PAX2: variants seen among roughly 807,000 people sequenced by gnomAD.
PAX2 encodes paired box protein Pax-2.
A neutral mutation model predicts 41.7 loss-of-function variants in PAX2; 9 were observed. The ratio of observed to expected loss-of-function variants is 0.22; its 90% CI spans 0.13 to 0.38. The LOEUF is 0.38. Ranked by LOEUF, PAX2 falls within the 10% of genes least tolerant of loss-of-function variation. The probability of loss-of-function intolerance (pLI) is 1.00; values close to 1 mark genes in which losing one functional copy is unlikely to be tolerated. For synonymous variants in PAX2, 221 were observed against 212.7 expected, an observed-to-expected ratio of 1.04 and a Z score of -0.34; for missense variants, 418 against 531.6, an observed-to-expected ratio of 0.79 and a Z score of 2.10.
At chr10:100,815,961 G>A (rs951596627) in intron 7 of PAX2, among the ~76,000 whole-genome samples, 18 of 152,240 alleles carry the variant, frequency 1.2e-4, no homozygotes, top group African/African-American at 4.3e-4. Context: ...GGTTTGGGGT[G>A]TCTTAGCAAA....
intron 5 of PAX2, among the ~76,000 whole-genome samples, chr10:100,793,517 C>T (rs970516922): frequency 3.9e-5 from 6 of 152,230 alleles, no homozygotes; most frequent in South Asian, 2.1e-4. Context: ...TGGGGTGCCA[C>T]GCTCTTCTTC....
chr10:100,754,432 G>A (rs1845558856), intron 3 of PAX2, among the ~76,000 whole-genome samples: 3 of 152,100 alleles, frequency 2.0e-5, no homozygotes, highest in African/African-American at 7.2e-5. Flanking sequence ...TAGATCTTTG[G>A]AGTGGACCCT....
chr10:100,746,832 G>C (rs1339403200), intron 1 of PAX2, among the ~76,000 whole-genome samples: 1 of 152,234 alleles, frequency 6.6e-6, no homozygotes, highest in East Asian at 1.9e-4. Flanking sequence ...TCAGTGTCAG[G>C]ACAATTGGGC....
rs532286288 is a variant in PAX2, at chr10:100,829,484, G to A, written c.*1865G>A. 2.3e-4 allele frequency: 48 copies of A among 207,864 alleles called. No individual in the cohort carries two copies. The highest frequency in any genetic ancestry group is 1.0e-3 in the African/African-American group (44 of 44,018). 12.9% of individuals were successfully genotyped at this position (207,864 alleles called of 1,614,324 possible). ...CCGCCCCGTAGTTGCTCTTTCGGTA[G>A]TGGCGATGCGCCCTGCATGTCTCCT... On this transcript the variant is annotated 3_prime_UTR_variant, in exon 10 of 10. Coordinates refer to ENST00000355243, the MANE Select transcript of PAX2 (RefSeq NM_000278.5).
At chr10:100,809,919 G>A (rs538286796) in intron 7 of PAX2, among the ~76,000 whole-genome samples, 2 of 152,314 alleles carry the variant, frequency 1.3e-5, no homozygotes, top group African/African-American at 4.8e-5. Context: ...GGAAGGGGAG[G>A]TGGAGTCCAG....
intron 4 of PAX2, among the ~76,000 whole-genome samples, chr10:100,780,309 A>G (rs1199852310): frequency 6.6e-6 from 1 of 152,178 alleles, no homozygotes; most frequent in Non-Finnish European, 1.5e-5. Context: ...CTCTGTCCCC[A>G]ACGCACACAG....
rs1848672214 is a variant in PAX2, at chr10:100,828,676, G to A, written c.*1057G>A. 1 of 233,458 alleles carries A rather than the reference G, an allele frequency of 4.3e-6. No individual in the cohort carries two copies. Among genetic ancestry groups the A allele is most frequent in the East Asian group, 6.0e-5 (1 of 16,580 alleles). 14.5% of individuals were successfully genotyped at this position (233,458 alleles called of 1,614,324 possible). A position where few individuals can be genotyped will look rare whatever the true frequency, so the allele number is the denominator to read the frequency against. The stretch of plus-strand genomic sequence containing the variant: ...TCTGCCGGTGGTAAGAACCGGTTCT[G>A]AGCTGGCGTCTGAGCTGCTGCGGGG... On this transcript the variant is annotated 3_prime_UTR_variant, in exon 10 of 10. Transcript: ENST00000355243. This position sits in a 1 kb window ranked among gnomAD's most constrained non-coding sequence, Gnocchi z 6.5.
At position 100,791,852 on chromosome 10, in the gene PAX2, G is replaced by A. The variant is rs1250904573; in HGVS notation, c.616+10487G>A. Reference sequence around the variant, plus strand: ...CTTGGGCAGTGTGGGCACCTGGGTGGACTGGTGGTGTGGGGAGCCGAGGGC... The same window carrying A: ...CTTGGGCAGTGTGGGCACCTGGGTGAACTGGTGGTGTGGGGAGCCGAGGGC... On this transcript the variant is annotated intron_variant, in intron 5 of 9. Coordinates refer to ENST00000355243, the MANE Select transcript of PAX2 (RefSeq NM_000278.5). This position sits in a 1 kb window ranked among gnomAD's most constrained non-coding sequence, Gnocchi z 4.5. Among the ~76,000 whole-genome samples the A allele has an allele frequency of 6.6e-6, 1 of 152,206 alleles. No individual in the cohort carries two copies. Among genetic ancestry groups the A allele is most frequent in the African/African-American group, 2.4e-5 (1 of 41,450 alleles).
intron 5 of PAX2, among the ~76,000 whole-genome samples, chr10:100,783,118 C>G (rs542234042): frequency 6.6e-6 from 1 of 152,342 alleles, no homozygotes; most frequent in East Asian, 1.9e-4. Context: ...TTGTGGTCAC[C>G]CAGGGCTGCG....
intron 1 of PAX2, chr10:100,747,971 G>C: frequency 1.0e-6 from 1 of 983,586 alleles, no homozygotes; most frequent in African/African-American, 1.8e-5. Context: ...CGGCCAAGCA[G>C]AGGTCGGAGG....
Position 100,745,955 on chromosome 10 carries a change from G to T in PAX2, c.-306G>T, listed in dbSNP as rs1276279608. ...TCAGCCCTGGCTGCAGCTGCAGCGC[G>T]AGCCATGCGCCCCCAGTGCACCCCG... On this transcript the variant is annotated 5_prime_UTR_variant, in exon 1 of 10. Transcript: ENST00000355243. The T allele has an allele frequency of 3.9e-6, 5 of 1,280,116 alleles. No individual in the cohort carries two copies. In the African/African-American group the frequency reaches 6.3e-5, roughly 16 times the overall value. 79.3% of individuals were successfully genotyped at this position (1,280,116 alleles called of 1,614,324 possible). A position where few individuals can be genotyped will look rare whatever the true frequency, so the allele number is the denominator to read the frequency against.
chr10:100,806,403 C>T lies in PAX2; in HGVS notation c.617-27C>T, dbSNP rs373407039. 3.9e-5 allele frequency: 63 copies of T among 1,613,032 alleles called. 1 individual carries two copies. The highest frequency in any genetic ancestry group is 2.3e-4 in the South Asian group (21 of 91,060). ...TGTGCCTCTGCTGGCCTGGCGCTAA[C>T]GCCCCGAGTGTCCATGTGTTCTCCA... On this transcript the variant is annotated intron_variant, in intron 5 of 9. Coordinates refer to ENST00000355243, the MANE Select transcript of PAX2 (RefSeq NM_000278.5).
At chr10:100,808,932 T>C (rs2133955620) in intron 6 of PAX2, among the ~76,000 whole-genome samples, 178 bp from the exon 7 acceptor site, 1 of 152,190 alleles carries the variant, frequency 6.6e-6, no homozygotes, top group African/African-American at 2.4e-5. Flanking sequence ...CCAAGTCAGG[T>C]CTACTACCCG....
In PAX2 at chr10:100,826,493, AGGG is replaced by A. The variant is rs1045698945; in HGVS notation, c.1022-515_1022-513del. Among the ~76,000 whole-genome samples the A allele has an allele frequency of 6.6e-6, 1 of 152,168 alleles. No homozygotes were observed. The highest frequency in any genetic ancestry group is 2.4e-5 in the African/African-American group (1 of 41,448). On this transcript the variant is annotated intron_variant, in intron 8 of 9. Coordinates refer to ENST00000355243, the MANE Select transcript of PAX2 (RefSeq NM_000278.5). The surrounding 1 kb of genome is among the most constrained non-coding windows in gnomAD (Gnocchi z 5.5). ...TCCAACCTCTTGAGGGAAAGGCGGG[AGGG>A]CGGTGTCTCCCAAAAGAGCTCCCAC... is the stretch of plus-strand genomic sequence containing the variant.
Position 100,827,162 on chromosome 10 carries a change from C to A in PAX2, c.1108+67C>A. On this transcript the variant is annotated intron_variant, in intron 9 of 9. Coordinates refer to ENST00000355243, the MANE Select transcript of PAX2 (RefSeq NM_000278.5). The surrounding 1 kb of genome is among the most constrained non-coding windows in gnomAD (Gnocchi z 8.5). The stretch of plus-strand genomic sequence containing the variant: ...CGCGGCTTCTGGGCACGGTCCCACT[C>A]CCGGCGACCCGACCTCTGGGGACCC... The A allele has an allele frequency of 2.3e-6, 3 of 1,296,328 alleles. No individual in the cohort carries two copies. Among genetic ancestry groups the A allele is most frequent in the Non-Finnish European group, 3.3e-6 (3 of 897,448 alleles). 80.3% of individuals were successfully genotyped at this position (1,296,328 alleles called of 1,614,324 possible).
intron 5 of PAX2, among the ~76,000 whole-genome samples, chr10:100,801,313 T>C (rs1268917003): frequency 6.6e-6 from 1 of 152,238 alleles, no homozygotes; most frequent in African/African-American, 2.4e-5. Context: ...CTAAGATCTA[T>C]GAAGACCTTT....
At chr10:100,762,896 G>A (rs971268377) in intron 3 of PAX2, among the ~76,000 whole-genome samples, 5 of 152,248 alleles carry the variant, frequency 3.3e-5, no homozygotes, top group African/African-American at 1.2e-4. Context: ...TGGGCAAGCT[G>A]TTGTCTGTGC....
At chr10:100,825,442 T>C (rs1028385297) in intron 8 of PAX2, among the ~76,000 whole-genome samples, 1 of 152,162 alleles carries the variant, frequency 6.6e-6, no homozygotes, top group African/African-American at 2.4e-5. Flanking sequence ...ACAGAGGCTG[T>C]ATTTAAGGTC....
intron 5 of PAX2, among the ~76,000 whole-genome samples, chr10:100,792,724 TC>T (rs1445842781): frequency 8.1e-6 from 1 of 123,134 alleles, no homozygotes; most frequent in Non-Finnish European, 1.7e-5. Context: ...GCTCTCTCCC[TC>T]CCCCTCCCTC....
Sources: allele counts gnomAD v4.1 joint callset (sites outside exome capture counted in the v4.1 genomes callset), GRCh38; gene constraint gnomAD v4.1.1; non-coding constraint Gnocchi (gnomAD v3.1); transcripts MANE v1.5; gene names NCBI Gene and HGNC (gene_info 2026-07-23, HGNC 2026-07-21).